Variants in FNBP1L observed in about 807,000 individuals in gnomAD.
The protein encoded by FNBP1L is formin binding protein 1 like, also known as formin-binding protein 1-like.
In FNBP1L, 36 loss-of-function variants were observed where a neutral mutation model predicts 91.2. The ratio of observed to expected loss-of-function variants is 0.39; its 90% CI spans 0.30 to 0.52. The LOEUF (loss-of-function observed/expected upper bound fraction) is 0.52, where lower values mean the gene tolerates loss of function less well. Among genes scored for constraint, FNBP1L ranks in the 20% least tolerant of loss-of-function variants. FNBP1L has a pLI of 0.66. For missense variants in FNBP1L, 571 were observed against 732.1 expected (o/e 0.78, Z 2.54); for synonymous variants, 242 against 237.0 (o/e 1.02, Z -0.19).
chr1:93,484,968 C>T (rs566797817), intron 1 of FNBP1L, among the ~76,000 whole-genome samples: 2 of 152,192 alleles, frequency 1.3e-5, no homozygotes, highest in African/African-American at 4.8e-5. Context: ...GCCTAGCCAA[C>T]ATAGCAAGAC....
Position 93,546,945 on chromosome 1 carries a change from C to G in FNBP1L, c.1378C>G (p.Arg460Gly). ...KLAETMNNID[R>G]LRMEIHKNEA... ...AGCAGAGACCATGAATAACATTGAC[C>G]GCCTACGAATGGAAATCCATAAGAA... The change falls in exon 13 of 17, where the codon CGC becomes GGC. Residue 460 changes from arginine (R) to glycine (G), a missense_variant. Coordinates refer to ENST00000271234, the MANE Select transcript of FNBP1L (RefSeq NM_001164473.3). 1 of 1,612,060 alleles carries G rather than the reference C, an allele frequency of 6.2e-7. No homozygotes were observed. Among genetic ancestry groups the G allele is most frequent in the South Asian group, 1.1e-5 (1 of 90,594 alleles).
intron 1 of FNBP1L, among the ~76,000 whole-genome samples, chr1:93,459,941 A>ATATGTGTGTG (rs1553207611): frequency 7.0e-6 from 1 of 142,168 alleles, no homozygotes; most frequent in Non-Finnish European, 1.5e-5. Context: ...TGGATTTCAG[A>ATATGTGTGTG]TGTGTGTGTG....
chr1:93,528,015 A>T (rs1256414451), intron 5 of FNBP1L, among the ~76,000 whole-genome samples: 1 of 152,130 alleles, frequency 6.6e-6, no homozygotes, highest in Non-Finnish European at 1.5e-5. Context: ...AATGAAAGAT[A>T]AAGTTCAATA....
At chr1:93,482,746 T>G (rs993722722) in intron 1 of FNBP1L, among the ~76,000 whole-genome samples, 1 of 151,302 alleles carries the variant, frequency 6.6e-6, no homozygotes, top group South Asian at 2.1e-4. Flanking sequence ...ATACAAAAAC[T>G]TAGTGGCTCA....
intron 1 of FNBP1L, among the ~76,000 whole-genome samples, chr1:93,464,649 AACAGTCAATTTC>A (rs1669012786): frequency 6.6e-6 from 1 of 152,130 alleles, no homozygotes; most frequent in Non-Finnish European, 1.5e-5. Context: ...TTCTTTTCCA[AACAGTCAATTTC>A]TTGTTCTTTA....
At chr1:93,477,467 G>T (rs1669537410) in intron 1 of FNBP1L, among the ~76,000 whole-genome samples, 1 of 152,208 alleles carries the variant, frequency 6.6e-6, no homozygotes, top group African/African-American at 2.4e-5. Context: ...ATAGATGGTA[G>T]AAAAATGTGT....
intron 11 of FNBP1L, 125 bp from the exon 12 acceptor site, chr1:93,543,982 G>T: frequency 8.2e-6 from 4 of 487,492 alleles, no homozygotes; most frequent in Non-Finnish European, 1.0e-5. Flanking sequence ...TTTTTTAAGG[G>T]GTTGCTTGAG....
At chr1:93,505,085 T>C (rs1235751154) in intron 2 of FNBP1L, among the ~76,000 whole-genome samples, 1 of 151,292 alleles carries the variant, frequency 6.6e-6, no homozygotes, top group Non-Finnish European at 1.5e-5. Flanking sequence ...AATATTTGTA[T>C]GTGTTAAAAG....
At chr1:93,538,110 A>T (rs1671904764) in intron 10 of FNBP1L, among the ~76,000 whole-genome samples, 1 of 152,084 alleles carries the variant, frequency 6.6e-6, no homozygotes, top group Non-Finnish European at 1.5e-5. Flanking sequence ...AGGCCCAGTT[A>T]AAATAGTCAT....
At chr1:93,515,146 C>A (rs1045984696) in intron 2 of FNBP1L, among the ~76,000 whole-genome samples, 1 of 152,126 alleles carries the variant, frequency 6.6e-6, no homozygotes, top group African/African-American at 2.4e-5. Flanking sequence ...TTTATGCAGC[C>A]AAAAAACACA....
At chr1:93,500,729 T>G (rs1299944472) in intron 2 of FNBP1L, among the ~76,000 whole-genome samples, 4 of 152,124 alleles carry the variant, frequency 2.6e-5, no homozygotes, top group Non-Finnish European at 4.4e-5. Context: ...GCCTCATATA[T>G]CCACATAATA....
At chr1:93,526,242 C>G (rs1261608406) in intron 5 of FNBP1L, among the ~76,000 whole-genome samples, 1 of 152,144 alleles carries the variant, frequency 6.6e-6, no homozygotes, top group African/African-American at 2.4e-5. Flanking sequence ...CTCCAAGTAA[C>G]AGAGCATACA....
At chr1:93,483,311 A>T (rs1669782966) in intron 1 of FNBP1L, among the ~76,000 whole-genome samples, 1 of 152,164 alleles carries the variant, frequency 6.6e-6, no homozygotes. Context: ...ACAAAATTTA[A>T]TGTGCCACTA....
intron 2 of FNBP1L, among the ~76,000 whole-genome samples, chr1:93,500,247 C>T (rs1330098682): frequency 1.3e-5 from 2 of 152,260 alleles, no homozygotes; most frequent in East Asian, 1.9e-4. Flanking sequence ...CCTAAACAGG[C>T]ATACATGACT....
At chr1:93,505,908 A>AC (rs1670593479) in intron 2 of FNBP1L, among the ~76,000 whole-genome samples, 1 of 152,088 alleles carries the variant, frequency 6.6e-6, no homozygotes, top group Admixed American at 6.5e-5. Context: ...CGGACTCCTG[A>AC]CCTTGTGATC....
At chr1:93,459,941 ATGTGTGTGTGTGTGTGTGTG>A (rs34705153) in intron 1 of FNBP1L, among the ~76,000 whole-genome samples, 6 of 142,168 alleles carry the variant, frequency 4.2e-5, no homozygotes, top group Non-Finnish European at 9.2e-5. Flanking sequence ...TGGATTTCAG[ATGTGTGTGTGTGTGTGTGTG>A]TGTGTGTGTG....
chr1:93,524,465 T>TAC, intron 5 of FNBP1L, 142 bp downstream of exon 5: 1 of 567,738 alleles, frequency 1.8e-6, no homozygotes, highest in Non-Finnish European at 2.8e-6. Context: ...TGTATAATAG[T>TAC]CAATAAAGTG....
At chr1:93,458,616 C>T (rs1668754486) in intron 1 of FNBP1L, among the ~76,000 whole-genome samples, 1 of 152,012 alleles carries the variant, frequency 6.6e-6, no homozygotes, top group African/African-American at 2.4e-5. Flanking sequence ...GCAAAATGGA[C>T]AAGAGGGATT....
chr1:93,510,783 A>G (rs1353669463), intron 2 of FNBP1L, among the ~76,000 whole-genome samples: 1 of 152,160 alleles, frequency 6.6e-6, no homozygotes, highest in Non-Finnish European at 1.5e-5. Flanking sequence ...GCTGAAAACC[A>G]AGGCTCAAGA....
Sources: gnomAD v4.1 joint callset for allele counts (sites outside exome capture counted in the v4.1 genomes callset) on GRCh38, gnomAD v4.1.1 for gene constraint, MANE v1.5 for transcripts, NCBI Gene and HGNC (gene_info 2026-07-23, HGNC 2026-07-21) for gene names.